The following PACRG variants were observed in gnomAD, a reference collection of about 807,000 sequenced individuals.
PACRG encodes parkin coregulated gene protein.
A neutral mutation model predicts 29.7 loss-of-function variants in PACRG; 29 were observed. That is an observed-to-expected ratio of 0.98 (90% CI 0.73 to 1.33). PACRG has a LOEUF of 1.33. Among genes scored for constraint, PACRG ranks in the 40% most tolerant of loss-of-function variants. The pLI, the probability that PACRG is intolerant of heterozygous loss-of-function variation, is 0.00. For missense variants in PACRG, 279 were observed against 316.2 expected, an observed-to-expected ratio of 0.88 and a Z score of 0.89; for synonymous variants, 116 against 118.7, an observed-to-expected ratio of 0.98 and a Z score of 0.15.
intron 2 of PACRG, among the ~76,000 whole-genome samples, chr6:163,045,340 C>G (rs1423326010): frequency 6.6e-6 from 1 of 152,152 alleles, no homozygotes; most frequent in Non-Finnish European, 1.5e-5. Context: ...GCCTGGGTAA[C>G]AGGAGGGAAT....
chr6:163,272,856 A>C (rs1352907449), intron 4 of PACRG, among the ~76,000 whole-genome samples: 1 of 148,200 alleles, frequency 6.7e-6, no homozygotes, highest in Non-Finnish European at 1.5e-5. Context: ...CCATCCTTAC[A>C]TTTCTGAAAC....
chr6:163,248,985 C>T (rs1782798334), intron 4 of PACRG, among the ~76,000 whole-genome samples: 1 of 140,222 alleles, frequency 7.1e-6, no homozygotes, highest in Admixed American at 7.7e-5. Flanking sequence ...CACTGCACTC[C>T]AGCCTGGGCA....
At chr6:162,775,422 G>A (rs77442212) in intron 1 of PACRG, among the ~76,000 whole-genome samples, 4 of 152,052 alleles carry the variant, frequency 2.6e-5, no homozygotes, top group East Asian at 1.9e-4. Context: ...AGTGTTAGAG[G>A]TATATACTTA....
chr6:163,169,364 T>C (rs1391946285), intron 4 of PACRG, among the ~76,000 whole-genome samples: 1 of 152,050 alleles, frequency 6.6e-6, no homozygotes, highest in Non-Finnish European at 1.5e-5. Flanking sequence ...CAGAGCTGCA[T>C]CTGTCAGTGT....
chr6:162,949,383 G>A (rs1209653283), intron 2 of PACRG, among the ~76,000 whole-genome samples: 1 of 152,094 alleles, frequency 6.6e-6, no homozygotes, highest in Non-Finnish European at 1.5e-5. Context: ...AGGAATGAAG[G>A]GGTTGTTTAA....
At position 162,746,460 on chromosome 6, in the gene PACRG, C is replaced by T. The variant is rs376041083; in HGVS notation, c.156+18069C>T. On this transcript the variant is annotated intron_variant, in intron 1 of 4. Transcript: ENST00000366888. ...TAAGGTAAATACTAGTAACTTTAAA[C>T]GGTAATGATGGATGCCTCTGTTTAT... Among the ~76,000 whole-genome samples the T allele has an allele frequency of 2.6e-3, 395 of 152,196 alleles. 3 individuals are homozygous for T. The highest frequency in any genetic ancestry group is 0.016 in the South Asian group (79 of 4,828).
At chr6:162,767,657 G>T (rs1782903850) in intron 1 of PACRG, among the ~76,000 whole-genome samples, 1 of 151,346 alleles carries the variant, frequency 6.6e-6, no homozygotes, top group African/African-American at 2.4e-5. Context: ...TGTGATCATT[G>T]ATATGTTTAG....
chr6:163,135,902 C>A (rs1816918255), intron 4 of PACRG, among the ~76,000 whole-genome samples: 1 of 152,110 alleles, frequency 6.6e-6, no homozygotes, highest in South Asian at 2.1e-4. Flanking sequence ...AGCATCTTTT[C>A]TTGTATTAAT....
intron 2 of PACRG, among the ~76,000 whole-genome samples, chr6:162,896,084 G>C (rs968757222): frequency 6.6e-6 from 1 of 152,210 alleles, no homozygotes; most frequent in African/African-American, 2.4e-5. Flanking sequence ...GATTGACCAT[G>C]AAGCCGAAAG....
chr6:163,179,177 GA>G (rs1333631879), intron 4 of PACRG: 1 of 455,804 alleles, frequency 2.2e-6, no homozygotes, highest in African/African-American at 2.0e-5. Context: ...GGCTCACACT[GA>G]TGTCCGCTGC....
intron 2 of PACRG, among the ~76,000 whole-genome samples, chr6:162,990,308 G>A (rs558181467): frequency 1.9e-4 from 29 of 151,942 alleles, no homozygotes; most frequent in African/African-American, 4.3e-4. Context: ...CCTGAGAATC[G>A]CCACACTGAC....
chr6:163,085,922 T>C (rs1344249000), intron 3 of PACRG, among the ~76,000 whole-genome samples: 1 of 152,238 alleles, frequency 6.6e-6, no homozygotes, highest in Non-Finnish European at 1.5e-5. Flanking sequence ...AAAACAGTGA[T>C]GGGCATGTAA....
chr6:163,163,012 TA>T (rs1302093118), intron 4 of PACRG, among the ~76,000 whole-genome samples: 1 of 152,196 alleles, frequency 6.6e-6, no homozygotes, highest in South Asian at 2.1e-4. Context: ...GCCTGGCTGC[TA>T]ATGGAATCGT....
intron 4 of PACRG, among the ~76,000 whole-genome samples, chr6:163,194,485 A>C (rs1354135484): frequency 3.3e-5 from 5 of 151,980 alleles, no homozygotes; most frequent in African/African-American, 1.2e-4. Context: ...CGGCGCCTCC[A>C]GGCTGGTGGT....
At chr6:162,993,186 G>C (rs9458706) in intron 2 of PACRG, among the ~76,000 whole-genome samples, 60 of 151,604 alleles carry the variant, frequency 4.0e-4, no homozygotes, top group African/African-American at 1.4e-3. Context: ...TAGAATAGGT[G>C]TGGTGTGGTG....
chr6:163,046,846 A>G (rs1351617507), intron 2 of PACRG, among the ~76,000 whole-genome samples: 1 of 152,252 alleles, frequency 6.6e-6, no homozygotes, highest in Non-Finnish European at 1.5e-5. Context: ...AATTTGATTA[A>G]GAAATATAAA....
chr6:162,790,429 T>G (rs1448665863), intron 1 of PACRG, among the ~76,000 whole-genome samples: 2 of 152,162 alleles, frequency 1.3e-5, no homozygotes, highest in East Asian at 3.9e-4. Flanking sequence ...TTCAAAAATC[T>G]TAGCATAGTT....
At chr6:163,239,790 A>ACACAACTGACGCTGG (rs1491031284) in intron 4 of PACRG, among the ~76,000 whole-genome samples, 1 of 142,874 alleles carries the variant, frequency 7.0e-6, no homozygotes. Context: ...ACACACACAC[A>ACACAACTGACGCTGG]CTCACACATT....
At chr6:162,856,368 A>C (rs1165744401) in intron 2 of PACRG, among the ~76,000 whole-genome samples, 1 of 152,168 alleles carries the variant, frequency 6.6e-6, no homozygotes, top group African/African-American at 2.4e-5. Context: ...CTAAAACTGC[A>C]TTGTGCATAT....
Sources: allele counts gnomAD v4.1 joint callset (sites outside exome capture counted in the v4.1 genomes callset), GRCh38; gene constraint gnomAD v4.1.1; transcripts MANE v1.5; gene names NCBI Gene and HGNC (gene_info 2026-07-23, HGNC 2026-07-21).